CLSTN2: variants seen among roughly 807,000 people sequenced by gnomAD.
CLSTN2 encodes the protein calsyntenin 2, also known as calsyntenin-2.
A neutral mutation model predicts 101.2 loss-of-function variants in CLSTN2; 48 were observed. That is an observed-to-expected ratio of 0.47 (90% CI 0.38 to 0.60). The LOEUF (loss-of-function observed/expected upper bound fraction) is 0.60. Ranked by LOEUF, CLSTN2 falls within the 20% of genes least tolerant of loss-of-function variation. The pLI is 0.00. For synonymous variants in CLSTN2, 481 were observed against 463.6 expected (o/e 1.04, Z -0.48); for missense variants, 1,160 against 1,238.2 (o/e 0.94, Z 0.95).
intron 2 of CLSTN2, among the ~76,000 whole-genome samples, chr3:140,264,758 T>A (rs1362254704): frequency 6.6e-6 from 1 of 152,064 alleles, no homozygotes; most frequent in East Asian, 1.9e-4. Context: ...AGAGTGAGAA[T>A]TGCTCAGGGG....
chr3:140,456,603 A>G (rs910305589), intron 6 of CLSTN2, among the ~76,000 whole-genome samples: 127 of 152,254 alleles, frequency 8.3e-4, no homozygotes, highest in African/African-American at 2.8e-3. Context: ...CCTGGCCAAC[A>G]TGGTGAAACC....
chr3:140,077,851 C>T (rs1297519746), intron 1 of CLSTN2, among the ~76,000 whole-genome samples: 2 of 147,416 alleles, frequency 1.4e-5, no homozygotes, highest in Non-Finnish European at 3.0e-5. Context: ...TTTGCTCCCT[C>T]TCTAGCATTT....
At chr3:140,405,506 C>G (rs931653788) in intron 4 of CLSTN2, among the ~76,000 whole-genome samples, 1 of 152,138 alleles carries the variant, frequency 6.6e-6, no homozygotes, top group Non-Finnish European at 1.5e-5. Context: ...GGATTACAGG[C>G]GTGAGCCACT....
At chr3:140,015,010 G>A (rs1203079333) in intron 1 of CLSTN2, among the ~76,000 whole-genome samples, 2 of 152,198 alleles carry the variant, frequency 1.3e-5, no homozygotes, top group African/African-American at 4.8e-5. Flanking sequence ...CCTGGTCAGA[G>A]ACAAAGGACT....
intron 1 of CLSTN2, among the ~76,000 whole-genome samples, chr3:140,149,820 A>T (rs1236936143): frequency 6.6e-6 from 1 of 152,212 alleles, no homozygotes; most frequent in East Asian, 1.9e-4. Flanking sequence ...TATGCTAAAA[A>T]TAGTTTATCT....
At chr3:140,033,569 C>T (rs1441977529) in intron 1 of CLSTN2, among the ~76,000 whole-genome samples, 1 of 152,206 alleles carries the variant, frequency 6.6e-6, no homozygotes, top group African/African-American at 2.4e-5. Context: ...ACCACTATCA[C>T]TGTGTACCTT....
At chr3:140,128,127 A>G (rs1443739064) in intron 1 of CLSTN2, among the ~76,000 whole-genome samples, 1 of 152,116 alleles carries the variant, frequency 6.6e-6, no homozygotes, top group Non-Finnish European at 1.5e-5. Context: ...GCATTTGTAT[A>G]TTTTTCTAGG....
In CLSTN2 at chr3:140,404,619, G is replaced by A; in HGVS notation, c.490G>A (p.Ala164Thr). The change falls in exon 4 of 17, where the codon GCC becomes ACC. Residue 164 changes from alanine to threonine, a missense_variant. Physicochemically the swap from Ala to Thr is moderately conservative, Grantham distance 58. Transcript: ENST00000458420. Reference sequence around the variant, plus strand: ...GTTTGCTCCCACCTTCAAAGAGCCAGCCTACAAGGCTGTTGTGACGGAGGG... The same window carrying A: ...GTTTGCTCCCACCTTCAAAGAGCCAACCTACAAGGCTGTTGTGACGGAGGG... ...NEFAPTFKEP[A>T]YKAVVTEGKI... is the part of the protein sequence containing the mutation. The A allele has an allele frequency of 1.2e-6, 2 of 1,614,228 alleles. No individual in the cohort carries two copies. The highest frequency in any genetic ancestry group is 4.5e-5 in the East Asian group (2 of 44,880).
At chr3:140,365,068 C>T (rs1404246307) in intron 2 of CLSTN2, among the ~76,000 whole-genome samples, 3 of 152,136 alleles carry the variant, frequency 2.0e-5, no homozygotes, top group African/African-American at 7.2e-5. Context: ...GATGTGCCAG[C>T]AGAGACCTGA....
At chr3:140,064,290 T>C (rs1336077215) in intron 1 of CLSTN2, among the ~76,000 whole-genome samples, 1 of 152,236 alleles carries the variant, frequency 6.6e-6, no homozygotes, top group African/African-American at 2.4e-5. Context: ...CAAAAGGTTT[T>C]GATCTCCTTT....
intron 1 of CLSTN2, among the ~76,000 whole-genome samples, chr3:140,144,113 A>T (rs985683861): frequency 3.9e-5 from 6 of 152,246 alleles, no homozygotes; most frequent in Non-Finnish European, 7.3e-5. Context: ...AACTCAGTCA[A>T]GTTGAAGATT....
chr3:140,097,011 G>A (rs1465247563), intron 1 of CLSTN2, among the ~76,000 whole-genome samples: 1 of 152,068 alleles, frequency 6.6e-6, no homozygotes, highest in Non-Finnish European at 1.5e-5. Flanking sequence ...CTTTCTCTAA[G>A]CCTTGGTTTC....
At chr3:140,247,296 C>T (rs570640968) in intron 2 of CLSTN2, among the ~76,000 whole-genome samples, 2 of 152,146 alleles carry the variant, frequency 1.3e-5, no homozygotes, top group South Asian at 4.1e-4. Flanking sequence ...ATAACAAGCT[C>T]ATCCAGGTTT....
intron 8 of CLSTN2, among the ~76,000 whole-genome samples, chr3:140,471,036 C>A (rs1370563401): frequency 6.6e-6 from 1 of 152,144 alleles, no homozygotes; most frequent in Non-Finnish European, 1.5e-5. Flanking sequence ...AAATCTATTA[C>A]CAGGCAGCTC....
chr3:140,003,379 G>T (rs1253479856), intron 1 of CLSTN2, among the ~76,000 whole-genome samples: 1 of 152,084 alleles, frequency 6.6e-6, no homozygotes, highest in African/African-American at 2.4e-5. Context: ...AAACACTACT[G>T]ATTTTTGTAT....
intron 2 of CLSTN2, among the ~76,000 whole-genome samples, chr3:140,363,753 G>A (rs2087755129): frequency 6.6e-6 from 1 of 152,186 alleles, no homozygotes; most frequent in Admixed American, 6.5e-5. Flanking sequence ...AAGATTTTAA[G>A]CTTGAGGGTA....
At chr3:140,216,108 C>T (rs375740092) in intron 2 of CLSTN2, among the ~76,000 whole-genome samples, 2 of 152,110 alleles carry the variant, frequency 1.3e-5, no homozygotes, top group Non-Finnish European at 2.9e-5. Flanking sequence ...GGCGCATGAA[C>T]CCTATTGTGA....
intron 1 of CLSTN2, among the ~76,000 whole-genome samples, chr3:140,031,941 G>A (rs556790634): frequency 3.7e-4 from 57 of 152,218 alleles, no homozygotes; most frequent in African/African-American, 1.2e-3. Context: ...CAACCCTTCC[G>A]TAAAATGAAG....
chr3:140,080,510 A>G (rs2008578173), intron 1 of CLSTN2, among the ~76,000 whole-genome samples: 1 of 152,174 alleles, frequency 6.6e-6, no homozygotes, highest in Non-Finnish European at 1.5e-5. Context: ...GTTTGGGTTC[A>G]TATTTATCCC....
Sources: gnomAD v4.1 joint callset for allele counts (sites outside exome capture counted in the v4.1 genomes callset) on GRCh38, gnomAD v4.1.1 for gene constraint, MANE v1.5 for transcripts, NCBI Gene and HGNC (gene_info 2026-07-23, HGNC 2026-07-21) for gene names.